The following PSD2 variants were observed in gnomAD, a reference collection of about 807,000 sequenced individuals.
The protein encoded by PSD2 is pleckstrin and Sec7 domain containing 2.
A neutral mutation model predicts 69.8 loss-of-function variants in PSD2; 38 were observed. The ratio of observed to expected loss-of-function variants is 0.54; its 90% CI spans 0.42 to 0.71. The LOEUF (loss-of-function observed/expected upper bound fraction) is 0.71, where lower values mean the gene tolerates loss of function less well. PSD2 is among the 30% of genes least tolerant of loss of function. PSD2 has a pLI of 0.00. For missense variants in PSD2, 943 were observed against 1,014.5 expected, an observed-to-expected ratio of 0.93 and a Z score of 0.96; for synonymous variants, 412 against 423.0, an observed-to-expected ratio of 0.97 and a Z score of 0.32.
chr5:139,755,635 CTGTGTGTGTGTG>C, the PSD2 span, among the ~76,000 whole-genome samples: 211 of 146,442 alleles, frequency 1.4e-3, 1 homozygote, highest in African/African-American at 4.5e-3. Flanking sequence ...TGCGGCCCTG[CTGTGTGTGTGTG>C]TGTGTGTGTG....
chr5:139,763,899 G>T, the PSD2 span, among the ~76,000 whole-genome samples: 1 of 152,158 alleles, frequency 6.6e-6, no homozygotes, highest in Admixed American at 6.5e-5. Flanking sequence ...CCCCAGCTGA[G>T]TTGGGTCCTC....
the PSD2 span, among the ~76,000 whole-genome samples, chr5:139,756,316 G>T: frequency 1.1e-4 from 16 of 152,370 alleles, no homozygotes; most frequent in East Asian, 2.9e-3. Flanking sequence ...GGGGCGCAGA[G>T]GCAGCCGGAT....
Position 139,837,273 on chromosome 5 carries a change from G to A in PSD2, c.1665+35G>A, listed in dbSNP as rs1352608612. 2 of 1,604,276 alleles carry A rather than the reference G, an allele frequency of 1.2e-6. No homozygotes were observed. Among genetic ancestry groups the A allele is most frequent in the East Asian group, 2.2e-5 (1 of 44,680 alleles). On this transcript the variant is annotated intron_variant, in intron 11 of 14. Transcript: ENST00000274710. This position sits in a 1 kb window ranked among gnomAD's most constrained non-coding sequence, Gnocchi z 5.0. ...TGCCCCAGAGACCTTACTCAGAAAG[G>A]GCCAGCTCAGTCCCATCCCGCCCTG...
chr5:139,808,350 A>C (rs909159287), intron 1 of PSD2, among the ~76,000 whole-genome samples: 7 of 152,248 alleles, frequency 4.6e-5, no homozygotes, highest in African/African-American at 9.6e-5. Flanking sequence ...TAGGTTGGGC[A>C]GGAAGCCTCT....
At chr5:139,772,080 C>G in the PSD2 span, among the ~76,000 whole-genome samples, 1 of 152,266 alleles carries the variant, frequency 6.6e-6, no homozygotes, top group Non-Finnish European at 1.5e-5. Context: ...TGGCAGGGAT[C>G]AGTTAGCAGC....
rs758685573 is a variant in PSD2, at chr5:139,814,304, G to A, written c.956G>A (p.Arg319His). 3.7e-6 allele frequency: 6 copies of A among 1,613,320 alleles called. No homozygotes were observed. Among genetic ancestry groups the A allele is most frequent in the Middle Eastern group, 1.7e-4 (1 of 5,952 alleles). ...AGTGAAGCTGCTCATCGGCTGGCAC[G>A]CCGTCTCTACCACCTCGAGGGCTTC... ...GVSEAAHRLA[R>H]RLYHLEGFQR... The change falls in exon 4 of 15, where the codon CGC (arginine) becomes CAC (histidine). Residue 319 changes from arginine to histidine, a missense_variant. Transcript: ENST00000274710. This position sits in a 1 kb window ranked among gnomAD's most constrained non-coding sequence, Gnocchi z 4.4.
At chr5:139,744,647 T>TAC in the PSD2 span, among the ~76,000 whole-genome samples, 64 of 151,348 alleles carry the variant, frequency 4.2e-4, no homozygotes, top group East Asian at 3.7e-3. Flanking sequence ...CATGTGTGTG[T>TAC]ACACACACAC....
chr5:139,799,952 G>A (rs193084358), intron 1 of PSD2, among the ~76,000 whole-genome samples: 47 of 152,296 alleles, frequency 3.1e-4, no homozygotes, highest in African/African-American at 1.1e-3. Flanking sequence ...GAGGAATGGT[G>A]TGTGGGAAGC....
intron 1 of PSD2, 135 bp from the exon 2 acceptor site, chr5:139,809,255 GA>G (rs1759887810): frequency 2.9e-6 from 2 of 679,580 alleles, no homozygotes; most frequent in Admixed American, 6.1e-5. Flanking sequence ...ACTCCAGCTG[GA>G]AGGGCCCCGA....
intron 1 of PSD2, among the ~76,000 whole-genome samples, chr5:139,808,375 G>T (rs1162110143): frequency 6.6e-6 from 1 of 152,194 alleles, no homozygotes; most frequent in Non-Finnish European, 1.5e-5. Flanking sequence ...AATGTGGGCT[G>T]GTCCCAACCC....
the PSD2 span, among the ~76,000 whole-genome samples, chr5:139,759,169 C>G: frequency 6.6e-6 from 1 of 152,136 alleles, no homozygotes; most frequent in Admixed American, 6.5e-5. Context: ...CTCCGTCTCT[C>G]CTGGGGAGTT....
chr5:139,752,731 T>C, the PSD2 span, among the ~76,000 whole-genome samples: 2 of 151,972 alleles, frequency 1.3e-5, no homozygotes, highest in African/African-American at 4.8e-5. Flanking sequence ...GGCACACACA[T>C]ACACACACGT....
chr5:139,810,299 G>C (rs1239837334), intron 2 of PSD2, among the ~76,000 whole-genome samples: 4 of 152,166 alleles, frequency 2.6e-5, no homozygotes, highest in African/African-American at 9.7e-5. Context: ...CTGCTTACTG[G>C]AGTTACAGCC....
intron 9 of PSD2, among the ~76,000 whole-genome samples, chr5:139,836,241 G>T (rs1298947659): frequency 6.6e-6 from 1 of 152,236 alleles, no homozygotes; most frequent in Admixed American, 6.5e-5. Context: ...GGAAAGAGGG[G>T]TGTTGACCTT....
chr5:139,837,417 G>A lies in PSD2; in HGVS notation c.1665+179G>A, dbSNP rs540263443. ...TTTTTGGGAGAACTTGGTGCCCAGTGGCTCAGTGGACTCTCAGCATGAGGC... is the reference window on the plus strand; with the variant it reads ...TTTTTGGGAGAACTTGGTGCCCAGTAGCTCAGTGGACTCTCAGCATGAGGC... On this transcript the variant is annotated intron_variant, in intron 11 of 14. Transcript: ENST00000274710. This position sits in a 1 kb window ranked among gnomAD's most constrained non-coding sequence, Gnocchi z 5.0. 6.6e-6 allele frequency among the ~76,000 whole-genome samples: 1 copy of A among 152,190 alleles called. No homozygotes were observed. The highest frequency in any genetic ancestry group is 1.5e-5 in the Non-Finnish European group (1 of 68,018).
At chr5:139,793,627 C>T (rs533882718), upstream of PSD2, among the ~76,000 whole-genome samples, 1 of 152,328 alleles carries the variant, frequency 6.6e-6, no homozygotes, top group South Asian at 2.1e-4. Flanking sequence ...TTTCCCTGTT[C>T]TTTCCTTCCA....
At chr5:139,822,318 G>A (rs565406128) in intron 6 of PSD2, among the ~76,000 whole-genome samples, 1 of 152,352 alleles carries the variant, frequency 6.6e-6, no homozygotes, top group Non-Finnish European at 1.5e-5. Flanking sequence ...TGTGGTGGGG[G>A]TCTAGGTCGG....
the PSD2 span, chr5:139,742,662 G>A: frequency 3.3e-5 from 5 of 153,436 alleles, no homozygotes; most frequent in East Asian, 7.7e-4. Flanking sequence ...CAGTGTGAGT[G>A]CGTGTGTGAG....
chr5:139,810,368 A>T (rs1035952803), intron 2 of PSD2, among the ~76,000 whole-genome samples: 2 of 152,150 alleles, frequency 1.3e-5, no homozygotes, highest in African/African-American at 4.8e-5. Context: ...GGTGTGTTGG[A>T]CAAGCAGGGC....
Sources: allele counts gnomAD v4.1 joint callset (sites outside exome capture counted in the v4.1 genomes callset), GRCh38; gene constraint gnomAD v4.1.1; non-coding constraint Gnocchi (gnomAD v3.1); transcripts MANE v1.5; gene names NCBI Gene and HGNC (gene_info 2026-07-23, HGNC 2026-07-21).